EPS8L2: variants seen among roughly 807,000 people sequenced by gnomAD.
The protein encoded by EPS8L2 is EPS8 signaling adaptor L2, also known as epidermal growth factor receptor kinase substrate 8-like protein 2.
In EPS8L2, 81 loss-of-function variants were observed where a neutral mutation model predicts 99.4. The ratio of observed to expected loss-of-function variants is 0.82; its 90% CI spans 0.68 to 0.98. The LOEUF is 0.98. Ranked by LOEUF, EPS8L2 falls within the 50% of genes least tolerant of loss-of-function variation. The probability of loss-of-function intolerance (pLI) is 0.00; values close to 1 mark genes in which losing one functional copy is unlikely to be tolerated. For synonymous variants in EPS8L2, 509 were observed against 407.3 expected (o/e 1.25, Z -3.01); for missense variants, 1,155 against 968.8 (o/e 1.19, Z -2.55).
At chr11:714,804 A>G (rs1427689167) in intron 4 of EPS8L2, among the ~76,000 whole-genome samples, 1 of 151,738 alleles carries the variant, frequency 6.6e-6, no homozygotes, top group African/African-American at 2.4e-5. Context: ...ATGTGGTAAT[A>G]TTGTTGTTAG....
At chr11:715,613 C>CTTTTTTT (rs1862000874) in intron 4 of EPS8L2, among the ~76,000 whole-genome samples, 1 of 137,258 alleles carries the variant, frequency 7.3e-6, no homozygotes, top group African/African-American at 2.7e-5. Flanking sequence ...TTATCTTTTT[C>CTTTTTTT]TTTTGTTTTT....
intron 4 of EPS8L2, among the ~76,000 whole-genome samples, chr11:719,785 G>A (rs1862108123): frequency 6.6e-6 from 1 of 152,196 alleles, no homozygotes; most frequent in Non-Finnish European, 1.5e-5. Flanking sequence ...CGGGTACTGA[G>A]CCTGCACCAG....
chr11:722,078 T>G lies in EPS8L2; in HGVS notation c.985-13T>G. The G allele has an allele frequency of 1.2e-6, 2 of 1,612,800 alleles. No homozygotes were observed. The highest frequency in any genetic ancestry group is 1.7e-6 in the Non-Finnish European group (2 of 1,179,730). On this transcript the variant is annotated splice_polypyrimidine_tract_variant and intron_variant, in intron 11 of 20. Coordinates refer to ENST00000318562, the MANE Select transcript of EPS8L2 (RefSeq NM_022772.4). ...CCCCGCCCCGGCACCTGCTCACTTG[T>G]TCCCACCCCCAGGCAAAGCTGCAGA...
intron 4 of EPS8L2, among the ~76,000 whole-genome samples, chr11:717,040 G>T (rs181371977): frequency 6.6e-6 from 1 of 152,134 alleles, no homozygotes; most frequent in Non-Finnish European, 1.5e-5. Flanking sequence ...GCAATGGCAC[G>T]ATCTCGGCTC....
At chr11:713,306 CAA>C (rs1329838203) in intron 4 of EPS8L2, among the ~76,000 whole-genome samples, 2 of 152,230 alleles carry the variant, frequency 1.3e-5, no homozygotes, top group Admixed American at 6.5e-5. Flanking sequence ...CCCATCACTC[CAA>C]ACCTGTGAAT....
intron 4 of EPS8L2, among the ~76,000 whole-genome samples, chr11:711,658 G>A (rs1861892994): frequency 6.6e-6 from 1 of 152,152 alleles, no homozygotes; most frequent in Non-Finnish European, 1.5e-5. Flanking sequence ...TCAGGCAGGA[G>A]GATCCCACCA....
At chr11:720,022 G>A in intron 4 of EPS8L2, 40 bp from the exon 5 acceptor site, 2 of 1,576,932 alleles carry the variant, frequency 1.3e-6, no homozygotes, top group South Asian at 2.3e-5. Context: ...TTCGACACAA[G>A]GAGGGCTCTG....
chr11:710,514 G>GC (rs1401851592), intron 4 of EPS8L2, 28 bp downstream of exon 4: 2 of 1,601,978 alleles, frequency 1.2e-6, no homozygotes, highest in East Asian at 2.2e-5. Flanking sequence ...GGTAGGCTCC[G>GC]CCCCCAGGGA....
intron 4 of EPS8L2, among the ~76,000 whole-genome samples, 200 bp from the exon 5 acceptor site, chr11:719,862 C>T (rs965457812): frequency 6.6e-6 from 1 of 152,106 alleles, no homozygotes; most frequent in Non-Finnish European, 1.5e-5. Flanking sequence ...AGGATAGTTT[C>T]AGGACACAAG....
chr11:712,721 A>G (rs558311585), intron 4 of EPS8L2, among the ~76,000 whole-genome samples: 18 of 152,296 alleles, frequency 1.2e-4, no homozygotes, highest in Middle Eastern at 3.4e-3. Flanking sequence ...CGTCTGTACA[A>G]TGGGTCCAAA....
intron 15 of EPS8L2, 128 bp downstream of exon 15, chr11:723,481 T>C: frequency 2.2e-6 from 1 of 448,584 alleles, no homozygotes; most frequent in Non-Finnish European, 4.0e-6. Context: ...AAAATACTTT[T>C]CCAGATTTGA....
At chr11:725,042 A>G (rs1862278147) in intron 16 of EPS8L2, among the ~76,000 whole-genome samples, 1 of 152,172 alleles carries the variant, frequency 6.6e-6, no homozygotes, top group Admixed American at 6.5e-5. Context: ...GGGCTCCCCA[A>G]AGGCATGCAG....
chr11:707,222 G>A (rs879540501), intron 1 of EPS8L2, among the ~76,000 whole-genome samples: 5 of 152,038 alleles, frequency 3.3e-5, no homozygotes, highest in Non-Finnish European at 7.4e-5. Flanking sequence ...GGCCTTCTCC[G>A]CCTGCCTCGG....
chr11:723,594 C>T (rs530953569), intron 15 of EPS8L2, among the ~76,000 whole-genome samples: 10 of 152,346 alleles, frequency 6.6e-5, no homozygotes, highest in Admixed American at 6.5e-4. Context: ...TGTGCATCCA[C>T]ATGTATGTTT....
chr11:711,692 CAG>C (rs1203853535), intron 4 of EPS8L2, among the ~76,000 whole-genome samples: 1 of 151,966 alleles, frequency 6.6e-6, no homozygotes, highest in African/African-American at 2.4e-5. Context: ...GCCTGGGCAA[CAG>C]AGTCTTAGGC....
rs551920516 is a variant in EPS8L2, at chr11:717,780, C to T, written c.166-2282C>T. Among the ~76,000 whole-genome samples the T allele has an allele frequency of 1.5e-3, 235 of 151,960 alleles. 1 individual carries two copies. Among genetic ancestry groups the T allele is most frequent in the African/African-American group, 5.4e-3 (225 of 41,398 alleles). Reference sequence around the variant, plus strand: ...ATCCCAGCACTTTGGGAGGCCGAGGCGGGCAGATCACAAGGTCAGGAGATG... The same window carrying T: ...ATCCCAGCACTTTGGGAGGCCGAGGTGGGCAGATCACAAGGTCAGGAGATG... On this transcript the variant is annotated intron_variant, in intron 4 of 20. Coordinates refer to ENST00000318562, the MANE Select transcript of EPS8L2 (RefSeq NM_022772.4).
At chr11:721,833 C>G in intron 10 of EPS8L2, 70 bp from the exon 11 acceptor site, 1 of 1,515,264 alleles carries the variant, frequency 6.6e-7, no homozygotes, top group Non-Finnish European at 9.0e-7. Context: ...AGATGGGCTG[C>G]GTGGGACAGA....
Position 724,491 on chromosome 11 carries a change from G to T in EPS8L2, c.1455-233G>T, listed in dbSNP as rs568131935. 8 of 558,328 alleles carry T rather than the reference G, an allele frequency of 1.4e-5. No homozygotes were observed. In the South Asian group the frequency reaches 1.6e-4, roughly 11 times the overall value. The allele number at this position is 558,328 out of a possible 1,614,324, so 34.6% of individuals were successfully genotyped here. On this transcript the variant is annotated intron_variant, in intron 15 of 20. Transcript: ENST00000318562. The surrounding 1 kb of genome is among the most constrained non-coding windows in gnomAD (Gnocchi z 5.5). The stretch of plus-strand genomic sequence containing the variant: ...CAGCCTTGCTGTACCACAGGCCCCT[G>T]CGCCACGCCCACCTCCTGCCTGCCC...
Position 722,687 on chromosome 11 carries a change from G to C in EPS8L2, c.1223G>C (p.Arg408Pro), listed in dbSNP as rs772435446. Residue 408 changes from arginine to proline, a missense_variant, in exon 14 of 21, where the codon CGG (arginine) becomes CCG (proline). By Grantham distance (103) the Arg-to-Pro change is moderately radical. Coordinates refer to ENST00000318562, the MANE Select transcript of EPS8L2 (RefSeq NM_022772.4). ...SWMRPRSEWP[R>P]EPQVPLYVPK... Reference sequence around the variant, plus strand: ...TCTCACCCCAGTTCCGAGTGGCCGCGGGAGCCACAGGTGCCCCTCTACGTG... The same window carrying C: ...TCTCACCCCAGTTCCGAGTGGCCGCCGGAGCCACAGGTGCCCCTCTACGTG... The C allele has an allele frequency of 6.2e-7, 1 of 1,607,850 alleles. No homozygotes were observed. Among genetic ancestry groups the C allele is most frequent in the Non-Finnish European group, 8.5e-7 (1 of 1,177,828 alleles).
Sources: gnomAD v4.1 joint callset for allele counts (sites outside exome capture counted in the v4.1 genomes callset) on GRCh38, gnomAD v4.1.1 for gene constraint, Gnocchi (gnomAD v3.1) non-coding constraint, MANE v1.5 for transcripts, NCBI Gene and HGNC (gene_info 2026-07-23, HGNC 2026-07-21) for gene names.